The following CSMD3 variants were observed in gnomAD, a reference collection of about 807,000 sequenced individuals.
CSMD3 encodes the protein CUB and Sushi multiple domains 3, also known as CUB and sushi domain-containing protein 3.
Under a neutral mutation model 435.2 loss-of-function variants are expected in CSMD3, and 177 were observed. The observed-to-expected ratio is 0.41, with a 90% CI of 0.36 to 0.46. The LOEUF is 0.46. Among genes scored for constraint, CSMD3 ranks in the 20% least tolerant of loss-of-function variants. The probability of loss-of-function intolerance (pLI) is 0.34; values close to 1 mark genes in which losing one functional copy is unlikely to be tolerated. For synonymous variants in CSMD3, 1,656 were observed against 1,520.5 expected (o/e 1.09, Z -2.07); for missense variants, 4,265 against 4,504.6 (o/e 0.95, Z 1.52).
intron 24 of CSMD3, among the ~76,000 whole-genome samples, chr8:112,562,860 T>A (rs1211851042): frequency 1.3e-5 from 2 of 151,874 alleles, no homozygotes; most frequent in East Asian, 3.9e-4. Flanking sequence ...TATTAACATA[T>A]ATGGCAAGCA....
At chr8:112,513,214 A>G (rs986391353) in intron 28 of CSMD3, among the ~76,000 whole-genome samples, 1 of 152,192 alleles carries the variant, frequency 6.6e-6, no homozygotes, top group Non-Finnish European at 1.5e-5. Flanking sequence ...ATGGGTAACT[A>G]TTTGGTGCAA....
At chr8:113,190,657 T>C (rs1475313921) in intron 3 of CSMD3, among the ~76,000 whole-genome samples, 1 of 150,956 alleles carries the variant, frequency 6.6e-6, no homozygotes, top group Non-Finnish European at 1.5e-5. Flanking sequence ...AATTATTTCC[T>C]TATGGTGGAA....
intron 22 of CSMD3, among the ~76,000 whole-genome samples, chr8:112,607,726 G>A (rs756735087): frequency 3.3e-5 from 5 of 152,060 alleles, no homozygotes; most frequent in Non-Finnish European, 7.4e-5. Flanking sequence ...CATCTCAATA[G>A]ATGCAGAAAA....
At chr8:112,459,659 T>C (rs747161807) in intron 32 of CSMD3, among the ~76,000 whole-genome samples, 2 of 152,152 alleles carry the variant, frequency 1.3e-5, no homozygotes, top group Non-Finnish European at 2.9e-5. Context: ...TTCTGTTTCA[T>C]TGGGCATTAG....
intron 23 of CSMD3, 22 bp from the exon 24 acceptor site, chr8:112,573,679 A>G (rs745803851): frequency 4.0e-6 from 6 of 1,518,974 alleles, no homozygotes; most frequent in Non-Finnish European, 5.5e-6. Flanking sequence ...ATTTATAATT[A>G]AAATGTAAAT....
chr8:113,077,066 G>GT (rs1214022918), intron 5 of CSMD3, among the ~76,000 whole-genome samples: 1 of 152,042 alleles, frequency 6.6e-6, no homozygotes, highest in Non-Finnish European at 1.5e-5. Flanking sequence ...CATGGTGGTG[G>GT]TTACAAGTCC....
Position 113,031,802 on chromosome 8 carries a change from GT to G in CSMD3, c.918-12624del, listed in dbSNP as rs2131243091. On this transcript the variant is annotated intron_variant, in intron 5 of 70. Transcript: ENST00000297405. ...TGGGGTTCATATGGTTTGGCTTTGT[GT>G]CCCCACCCAAATCTCATCTTGAATT... Among the ~76,000 whole-genome samples, 3 of 151,560 alleles carry G rather than the reference GT, an allele frequency of 2.0e-5. No homozygotes were observed. The East Asian group carries it at 5.8e-4, about 29-fold the overall frequency.
chr8:113,048,183 C>T (rs909807697), intron 5 of CSMD3, among the ~76,000 whole-genome samples: 3 of 150,430 alleles, frequency 2.0e-5, no homozygotes, highest in Non-Finnish European at 2.9e-5. Flanking sequence ...AGCTCCGCCT[C>T]CTAGGTTCAC....
At chr8:112,318,991 G>T in intron 46 of CSMD3, 41 bp from the exon 47 acceptor site, 2 of 1,106,102 alleles carry the variant, frequency 1.8e-6, no homozygotes, top group Non-Finnish European at 2.8e-6. Context: ...AAGCAACAAG[G>T]TGATGATAAA....
chr8:113,271,132 C>A (rs543639467), intron 3 of CSMD3, among the ~76,000 whole-genome samples: 1 of 152,170 alleles, frequency 6.6e-6, no homozygotes, highest in South Asian at 2.1e-4. Flanking sequence ...TAAAAGTATT[C>A]TGTTTTAAAA....
intron 6 of CSMD3, among the ~76,000 whole-genome samples, chr8:112,999,149 C>T (rs1327782243): frequency 6.6e-6 from 1 of 151,490 alleles, no homozygotes; most frequent in African/African-American, 2.4e-5. Context: ...GTCAGATATC[C>T]CTGTCTTTAT....
intron 24 of CSMD3, among the ~76,000 whole-genome samples, chr8:112,561,177 T>C (rs1396411463): frequency 6.6e-6 from 1 of 151,670 alleles, no homozygotes; most frequent in East Asian, 1.9e-4. Context: ...CTTATCTTTA[T>C]GGAAACGTTC....
At chr8:112,992,395 G>C (rs1234739687) in intron 6 of CSMD3, among the ~76,000 whole-genome samples, 3 of 151,738 alleles carry the variant, frequency 2.0e-5, no homozygotes, top group Admixed American at 6.6e-5. Flanking sequence ...AAAAATGTTA[G>C]TACATGAAGA....
At chr8:113,162,181 A>G (rs1176182918) in intron 4 of CSMD3, among the ~76,000 whole-genome samples, 5 of 152,192 alleles carry the variant, frequency 3.3e-5, no homozygotes, top group African/African-American at 1.2e-4. Flanking sequence ...TTAAGGAAAA[A>G]TGTTAAGCCT....
intron 27 of CSMD3, among the ~76,000 whole-genome samples, chr8:112,533,027 C>A (rs1584780): frequency 0.85 from 129,037 of 152,046 alleles, 55,045 homozygotes; most frequent in African/African-American, 0.93. Flanking sequence ...CTGCCACTAA[C>A]CTTAAGTAGC....
intron 28 of CSMD3, among the ~76,000 whole-genome samples, chr8:112,511,079 C>T (rs543807953): frequency 1.3e-5 from 2 of 152,176 alleles, no homozygotes; most frequent in Non-Finnish European, 2.9e-5. Flanking sequence ...CAGTTTCAGA[C>T]CCCCACAATA....
chr8:113,397,705 C>G (rs1475838910), intron 1 of CSMD3, among the ~76,000 whole-genome samples: 1 of 151,886 alleles, frequency 6.6e-6, no homozygotes, highest in Non-Finnish European at 1.5e-5. Context: ...GTAGTCCCAG[C>G]TACTCGGGAG....
At chr8:112,228,005 G>A (rs1812739421) in intron 70 of CSMD3, among the ~76,000 whole-genome samples, 1 of 152,074 alleles carries the variant, frequency 6.6e-6, no homozygotes, top group African/African-American at 2.4e-5. Flanking sequence ...TTGTGCCACT[G>A]CACTCCATCC....
At chr8:112,227,185 T>C (rs925283603) in intron 70 of CSMD3, among the ~76,000 whole-genome samples, 14 of 152,200 alleles carry the variant, frequency 9.2e-5, no homozygotes, top group African/African-American at 3.4e-4. Context: ...TGTCCATCAA[T>C]TGATGAATGG....
Sources: allele counts gnomAD v4.1 joint callset (sites outside exome capture counted in the v4.1 genomes callset), GRCh38; gene constraint gnomAD v4.1.1; transcripts MANE v1.5; gene names NCBI Gene and HGNC (gene_info 2026-07-23, HGNC 2026-07-21).